The following GRM7 variants were observed in gnomAD, a reference collection of about 807,000 sequenced individuals.
The protein encoded by GRM7 is metabotropic glutamate receptor 7.
A neutral mutation model predicts 84.5 loss-of-function variants in GRM7; 35 were observed. The ratio of observed to expected loss-of-function variants is 0.41; its 90% CI spans 0.32 to 0.55. The LOEUF (loss-of-function observed/expected upper bound fraction) is 0.55, where lower values mean the gene tolerates loss of function less well. Among genes scored for constraint, GRM7 ranks in the 20% least tolerant of loss-of-function variants. The pLI, the probability that GRM7 is intolerant of heterozygous loss-of-function variation, is 0.19. For synonymous variants in GRM7, 487 were observed against 455.1 expected (o/e 1.07, Z -0.89); for missense variants, 1,003 against 1,194.6 (o/e 0.84, Z 2.36).
intron 5 of GRM7, among the ~76,000 whole-genome samples, chr3:7,436,127 G>A (rs561740412): frequency 6.0e-4 from 92 of 152,238 alleles, no homozygotes; most frequent in African/African-American, 1.9e-3. Context: ...GATTACAGGC[G>A]TGAGCCACTG....
chr3:7,668,829 T>A (rs587728283), intron 8 of GRM7, among the ~76,000 whole-genome samples: 1 of 152,370 alleles, frequency 6.6e-6, no homozygotes, highest in Non-Finnish European at 1.5e-5. Context: ...TCATCAAACA[T>A]ACATTGAACT....
chr3:7,528,757 C>T (rs1235342161), intron 7 of GRM7, among the ~76,000 whole-genome samples: 2 of 151,760 alleles, frequency 1.3e-5, no homozygotes, highest in Admixed American at 6.6e-5. Context: ...TATTTCTGCC[C>T]TAATTTTGTT....
chr3:7,183,823 C>G (rs933132611), intron 2 of GRM7, among the ~76,000 whole-genome samples: 9 of 151,970 alleles, frequency 5.9e-5, no homozygotes, highest in Non-Finnish European at 1.2e-4. Context: ...CACACACACA[C>G]AGTATTGTAA....
intron 5 of GRM7, among the ~76,000 whole-genome samples, chr3:7,443,080 T>A (rs1246860313): frequency 6.6e-6 from 1 of 152,078 alleles, no homozygotes. Flanking sequence ...CTTTTTCTGG[T>A]CTTCTCCCTC....
At chr3:7,119,102 C>T (rs1332398044) in intron 1 of GRM7, among the ~76,000 whole-genome samples, 1 of 152,036 alleles carries the variant, frequency 6.6e-6, no homozygotes, top group Non-Finnish European at 1.5e-5. Flanking sequence ...GTCCTTTATA[C>T]ATTTTACCCC....
intron 8 of GRM7, among the ~76,000 whole-genome samples, chr3:7,639,908 T>G (rs967835323): frequency 2.0e-5 from 3 of 152,324 alleles, no homozygotes; most frequent in African/African-American, 7.2e-5. Context: ...CATCATAGAT[T>G]AGTTCTGTTT....
intron 5 of GRM7, among the ~76,000 whole-genome samples, chr3:7,423,675 C>CA (rs1172673415): frequency 1.0e-5 from 1 of 95,890 alleles, no homozygotes; most frequent in Non-Finnish European, 2.0e-5. Context: ...AATATGGATA[C>CA]AAAAAGCATT....
chr3:6,866,365 A>G (rs1174787532), intron 1 of GRM7, among the ~76,000 whole-genome samples: 1 of 150,388 alleles, frequency 6.6e-6, no homozygotes, highest in Non-Finnish European at 1.5e-5. Flanking sequence ...TTAAAAATGT[A>G]GTTTCTAAAA....
chr3:6,998,797 G>A (rs564794871), intron 1 of GRM7, among the ~76,000 whole-genome samples: 18 of 152,334 alleles, frequency 1.2e-4, no homozygotes, highest in African/African-American at 4.1e-4. Flanking sequence ...TTTAGCCAGA[G>A]GTAGAGCAGC....
At chr3:7,206,371 T>C (rs1423495021) in intron 2 of GRM7, among the ~76,000 whole-genome samples, 3 of 152,248 alleles carry the variant, frequency 2.0e-5, no homozygotes, top group Non-Finnish European at 2.9e-5. Context: ...AATTCATTAA[T>C]AATTGATAAT....
At chr3:7,008,105 A>G (rs1695243558) in intron 1 of GRM7, among the ~76,000 whole-genome samples, 1 of 71,620 alleles carries the variant, frequency 1.4e-5, no homozygotes. Context: ...GTAGATAACA[A>G]TGAGAATGCG....
chr3:7,241,638 A>G (rs1441414839), intron 2 of GRM7, among the ~76,000 whole-genome samples: 1 of 152,034 alleles, frequency 6.6e-6, no homozygotes, highest in Non-Finnish European at 1.5e-5. Context: ...GGGTGAGCTG[A>G]TGAGTACAGA....
chr3:7,668,184 C>A (rs1045069146), intron 8 of GRM7, among the ~76,000 whole-genome samples: 1 of 152,218 alleles, frequency 6.6e-6, no homozygotes, highest in South Asian at 2.1e-4. Context: ...GAAATACTTA[C>A]TGCAGGGAAA....
chr3:7,723,856 A>T (rs1318944153), intron 9 of GRM7, among the ~76,000 whole-genome samples: 2 of 152,030 alleles, frequency 1.3e-5, no homozygotes, highest in African/African-American at 2.4e-5. Context: ...CCCCAAAAAC[A>T]TTTTTTTAAT....
intron 2 of GRM7, among the ~76,000 whole-genome samples, chr3:7,274,667 C>CTGT (rs2124983673): frequency 1.3e-5 from 2 of 152,114 alleles, no homozygotes; most frequent in South Asian, 4.2e-4. Flanking sequence ...TACAGGTACA[C>CTGT]TGTTTTTCAC....
At chr3:7,010,573 T>C (rs1227579071) in intron 1 of GRM7, among the ~76,000 whole-genome samples, 1 of 152,070 alleles carries the variant, frequency 6.6e-6, no homozygotes, top group Non-Finnish European at 1.5e-5. Flanking sequence ...AACAACCGAA[T>C]CAGATATTGA....
chr3:7,530,691 C>A (rs890752163), intron 7 of GRM7, among the ~76,000 whole-genome samples: 1 of 152,112 alleles, frequency 6.6e-6, no homozygotes, highest in Non-Finnish European at 1.5e-5. Context: ...TCTCTAATGA[C>A]CAGTGATGAT....
At chr3:7,328,974 A>G (rs575665159) in intron 4 of GRM7, among the ~76,000 whole-genome samples, 2 of 152,116 alleles carry the variant, frequency 1.3e-5, no homozygotes, top group South Asian at 2.1e-4. Flanking sequence ...TTTCAACATA[A>G]CTTTACGTTT....
At chr3:6,994,982 G>A (rs1694781650) in intron 1 of GRM7, among the ~76,000 whole-genome samples, 2 of 152,152 alleles carry the variant, frequency 1.3e-5, no homozygotes, top group Non-Finnish European at 1.5e-5. Flanking sequence ...TAATTAGTCA[G>A]AATCACATGA....
Sources: allele counts gnomAD v4.1 joint callset (sites outside exome capture counted in the v4.1 genomes callset), GRCh38; gene constraint gnomAD v4.1.1; transcripts MANE v1.5; gene names NCBI Gene and HGNC (gene_info 2026-07-23, HGNC 2026-07-21).